MYO3A: variants seen among roughly 807,000 people sequenced by gnomAD.
MYO3A encodes the protein myosin-IIIa.
MYO3A carries 180 observed loss-of-function variants against 192.7 expected under a neutral mutation model. The ratio of observed to expected loss-of-function variants is 0.93; its 90% CI spans 0.83 to 1.06. MYO3A has a LOEUF of 1.06. Among genes scored for constraint, MYO3A ranks in the 50% least tolerant of loss-of-function variants. MYO3A has a pLI of 0.00. For synonymous variants in MYO3A, 628 were observed against 645.3 expected (o/e 0.97, Z 0.41); for missense variants, 1,896 against 1,905.0 (o/e 1.00, Z 0.09).
At chr10:26,177,123 G>A (rs1253158664) in intron 31 of MYO3A, among the ~76,000 whole-genome samples, 1 of 151,804 alleles carries the variant, frequency 6.6e-6, no homozygotes. Context: ...AAAGGGGTTG[G>A]TATAGAGAGG....
chr10:26,010,178 A>G (rs1346201482), intron 6 of MYO3A, among the ~76,000 whole-genome samples: 2 of 151,948 alleles, frequency 1.3e-5, no homozygotes, highest in East Asian at 3.9e-4. Context: ...GTTTTAAAGA[A>G]AGGAAAAGAT....
At chr10:26,046,742 A>G (rs778987396) in intron 10 of MYO3A, among the ~76,000 whole-genome samples, 10 of 152,270 alleles carry the variant, frequency 6.6e-5, no homozygotes, top group South Asian at 2.1e-4. Flanking sequence ...GTACTTTCAT[A>G]TAAGATTGCA....
chr10:26,173,180 C>T (rs746037372), intron 29 of MYO3A, among the ~76,000 whole-genome samples: 2 of 152,068 alleles, frequency 1.3e-5, no homozygotes, highest in Non-Finnish European at 2.9e-5. Flanking sequence ...TGAACTGTAG[C>T]GAGGACATTG....
chr10:26,094,279 A>G (rs1339925960), intron 15 of MYO3A, among the ~76,000 whole-genome samples: 1 of 152,166 alleles, frequency 6.6e-6, no homozygotes, highest in African/African-American at 2.4e-5. Flanking sequence ...AGAACCTTGG[A>G]TCAAAACTAG....
chr10:26,188,540 T>C (rs1842971244), intron 31 of MYO3A, among the ~76,000 whole-genome samples: 1 of 152,236 alleles, frequency 6.6e-6, no homozygotes, highest in Non-Finnish European at 1.5e-5. Context: ...CCATTGCTTT[T>C]GGTGTTTTAG....
intron 10 of MYO3A, among the ~76,000 whole-genome samples, chr10:26,032,860 G>A (rs969932309): frequency 6.6e-6 from 1 of 152,000 alleles, no homozygotes; most frequent in African/African-American, 2.4e-5. Context: ...TTCTTTAATG[G>A]CTGTGACTAT....
At chr10:26,109,497 A>T (rs1838027570) in intron 17 of MYO3A, among the ~76,000 whole-genome samples, 1 of 152,180 alleles carries the variant, frequency 6.6e-6, no homozygotes, top group Non-Finnish European at 1.5e-5. Context: ...CCTGCCCCTT[A>T]GCCAATTAGT....
chr10:25,989,666 T>G (rs1048661346), intron 4 of MYO3A, among the ~76,000 whole-genome samples: 1 of 149,266 alleles, frequency 6.7e-6, no homozygotes, highest in South Asian at 2.1e-4. Context: ...GCAATTCATC[T>G]TAACTATTAT....
At chr10:25,947,389 CT>C (rs869281200) in intron 2 of MYO3A, among the ~76,000 whole-genome samples, 36,909 of 92,570 alleles carry the variant, frequency 0.4, 4,869 homozygotes, top group East Asian at 0.46. Flanking sequence ...TTTTCTTTTT[CT>C]TTTTTTTTTT....
chr10:25,990,377 TAATC>T (rs1264494591), intron 4 of MYO3A, among the ~76,000 whole-genome samples: 1 of 152,134 alleles, frequency 6.6e-6, no homozygotes, highest in African/African-American at 2.4e-5. Flanking sequence ...TGAGGTGACA[TAATC>T]TATTGCACTA....
At position 26,112,449 on chromosome 10, in the gene MYO3A, T is replaced by C. The variant is rs145650136; in HGVS notation, c.1777-8227T>C. Among the ~76,000 whole-genome samples the C allele has an allele frequency of 1.0e-3, 152 of 152,360 alleles. 1 individual carries two copies. The highest frequency in any genetic ancestry group is 3.6e-3 in the African/African-American group (151 of 41,576). ...GCTATCTTATTGGCTTTCTTGGATA[T>C]GTTGTTTGACAATAGCTGCTTCTAA... On this transcript the variant is annotated intron_variant, in intron 17 of 34. Transcript: ENST00000642920.
At chr10:26,010,450 GTTT>G (rs778349166) in intron 6 of MYO3A, among the ~76,000 whole-genome samples, 2 of 111,232 alleles carry the variant, frequency 1.8e-5, no homozygotes, top group Admixed American at 1.0e-4. Flanking sequence ...CTAAGTAGTT[GTTT>G]TTTTTTTTTT....
intron 4 of MYO3A, among the ~76,000 whole-genome samples, chr10:25,971,194 T>C (rs960758633): frequency 6.6e-6 from 1 of 152,146 alleles, no homozygotes; most frequent in Non-Finnish European, 1.5e-5. Flanking sequence ...TCCAGTTCTT[T>C]TAGTTTGTTC....
chr10:26,107,373 T>C (rs1387222593), intron 17 of MYO3A, among the ~76,000 whole-genome samples: 1 of 150,840 alleles, frequency 6.6e-6, no homozygotes, highest in Non-Finnish European at 1.5e-5. Flanking sequence ...CCTAGCTACT[T>C]CGGAGGCTGA....
In MYO3A at chr10:26,142,298, T is replaced by G. The variant is rs942816894; in HGVS notation, c.2263-1150T>G. Reference sequence around the variant, plus strand: ...CCTGAGAAGCAGTGACTCCCCCACATGCAAGCATGGCTGCATGTCGTAGTT... The same window carrying G: ...CCTGAGAAGCAGTGACTCCCCCACAGGCAAGCATGGCTGCATGTCGTAGTT... On this transcript the variant is annotated intron_variant, in intron 20 of 34. Transcript: ENST00000642920. Among the ~76,000 whole-genome samples the G allele has an allele frequency of 1.1e-4, 16 of 152,242 alleles. No homozygotes were observed. In the East Asian group the frequency reaches 2.9e-3, roughly 27 times the overall value.
rs1313086309 is a variant in MYO3A, at chr10:26,157,322, G to A, written c.2806G>A (p.Asp936Asn). The A allele has an allele frequency of 1.2e-6, 2 of 1,613,866 alleles. No homozygotes were observed. The highest frequency in any genetic ancestry group is 1.7e-6 in the Non-Finnish European group (2 of 1,179,928). The change falls in exon 26 of 35, where the codon GAT (aspartate) becomes AAT (asparagine). Residue 936 changes from aspartate to asparagine, a missense_variant. Asp to Asn is a conservative substitution (Grantham distance 23). Transcript: ENST00000642920. ...VASYFRYSLM[D>N]LLSKMVVGQP... ...TTGTGTATTATAGTATTCCCTGATG[G>A]ATTTGTTGTCTAAAATGGTGGTGGG...
rs140055792 is a variant in MYO3A at position 26,005,898 on chromosome 10, C to A, written c.508+8640C>A. 1.5e-3 allele frequency among the ~76,000 whole-genome samples: 224 copies of A among 151,964 alleles called. 1 individual carries two copies. The highest frequency in any genetic ancestry group is 4.3e-3 in the African/African-American group (178 of 41,432). Reference sequence around the variant, plus strand: ...AATACATTTTTGTACTTTGAGGAGGCGACTTTTACCTTATTTGAAAGGCAA... The same window carrying A: ...AATACATTTTTGTACTTTGAGGAGGAGACTTTTACCTTATTTGAAAGGCAA... On this transcript the variant is annotated intron_variant, in intron 6 of 34. Coordinates refer to ENST00000642920, the MANE Select transcript of MYO3A (RefSeq NM_017433.5).
chr10:26,179,217 G>A (rs981060202), intron 31 of MYO3A, among the ~76,000 whole-genome samples: 4 of 146,340 alleles, frequency 2.7e-5, no homozygotes, highest in Non-Finnish European at 4.5e-5. Flanking sequence ...TCCTGCCTCA[G>A]CCTCCCCAGT....
chr10:26,177,079 A>G (rs1842372756), intron 31 of MYO3A, among the ~76,000 whole-genome samples: 1 of 151,610 alleles, frequency 6.6e-6, no homozygotes, highest in Admixed American at 6.6e-5. Context: ...TTTCATTTTA[A>G]CTAGAACTTG....
Sources: gnomAD v4.1 joint callset for allele counts (sites outside exome capture counted in the v4.1 genomes callset) on GRCh38, gnomAD v4.1.1 for gene constraint, MANE v1.5 for transcripts, NCBI Gene and HGNC (gene_info 2026-07-23, HGNC 2026-07-21) for gene names.